Variants in CUL2 observed in about 807,000 individuals in gnomAD.
CUL2 encodes cullin-2.
In CUL2, 22 loss-of-function variants were observed where a neutral mutation model predicts 110.2. The ratio of observed to expected loss-of-function variants is 0.20; its 90% CI spans 0.14 to 0.28. The LOEUF (loss-of-function observed/expected upper bound fraction) is 0.28. Among genes scored for constraint, CUL2 ranks in the 10% least tolerant of loss-of-function variants. The pLI, the probability that CUL2 is intolerant of heterozygous loss-of-function variation, is 1.00. For synonymous variants in CUL2, 279 were observed against 293.2 expected, an observed-to-expected ratio of 0.95 and a Z score of 0.49; for missense variants, 631 against 905.5, an observed-to-expected ratio of 0.70 and a Z score of 3.89.
intron 4 of CUL2, among the ~76,000 whole-genome samples, chr10:35,055,270 T>C (rs540987830): frequency 6.6e-6 from 1 of 152,314 alleles, no homozygotes; most frequent in East Asian, 1.9e-4. Flanking sequence ...CTAGTGTAAA[T>C]AGCTACTGAC....
At chr10:35,021,867 G>A (rs1286838100) in intron 17 of CUL2, among the ~76,000 whole-genome samples, 1 of 123,702 alleles carries the variant, frequency 8.1e-6, no homozygotes, top group Non-Finnish European at 1.7e-5. Context: ...GAGGTGGGGT[G>A]GGGTGAGGTG....
chr10:35,105,514 G>C (rs2087443326), intron 1 of CUL2, among the ~76,000 whole-genome samples: 2 of 150,574 alleles, frequency 1.3e-5, no homozygotes, highest in South Asian at 4.2e-4. Flanking sequence ...GACCATCCTG[G>C]CTAACACAGT....
intron 4 of CUL2, among the ~76,000 whole-genome samples, chr10:35,058,446 T>C (rs1211650973): frequency 6.6e-6 from 1 of 152,218 alleles, no homozygotes; most frequent in Non-Finnish European, 1.5e-5. Flanking sequence ...CATTAAAATG[T>C]AAATCCTCCC....
At chr10:35,029,725 G>A (rs559650997) in intron 14 of CUL2, 85 bp from the exon 15 acceptor site, 23 of 1,030,762 alleles carry the variant, frequency 2.2e-5, no homozygotes, top group African/African-American at 1.8e-4. Context: ...GGTATTGCTA[G>A]GTCTTTGATC....
chr10:35,029,745 T>C, intron 14 of CUL2, 105 bp from the exon 15 acceptor site: 3 of 794,162 alleles, frequency 3.8e-6, no homozygotes, highest in Non-Finnish European at 5.8e-6. Context: ...CAAAGGTTCT[T>C]GCATATACAC....
In CUL2 at chr10:35,109,315, T is replaced by C. The variant is rs958096602; in HGVS notation, c.-50-8255A>G. ...CCAGGCAGAATTATACATTTATGCA[T>C]CCATCAATCTTTCATTCCTTGATTG... On this transcript the variant is annotated intron_variant, in intron 1 of 5. Transcript: ENST00000685421. 5.9e-5 allele frequency among the ~76,000 whole-genome samples: 9 copies of C among 152,222 alleles called. No homozygotes were observed. The East Asian group carries it at 1.7e-3, about 29-fold the overall frequency.
intron 4 of CUL2, among the ~76,000 whole-genome samples, chr10:35,056,849 C>A (rs1437307587): frequency 6.6e-6 from 1 of 152,186 alleles, no homozygotes; most frequent in Non-Finnish European, 1.5e-5. Flanking sequence ...ACATCAGAAT[C>A]ACTTATCTCA....
intron 8 of CUL2, among the ~76,000 whole-genome samples, chr10:35,044,051 CAAAA>C (rs534515519): frequency 1.0e-4 from 9 of 87,794 alleles, no homozygotes; most frequent in Non-Finnish European, 1.8e-4. Flanking sequence ...ACCACATCTC[CAAAA>C]AAAAAAAAAA....
upstream of CUL2, among the ~76,000 whole-genome samples, chr10:35,094,081 GATC>G (rs2087256629): frequency 6.6e-6 from 1 of 152,080 alleles, no homozygotes; most frequent in Non-Finnish European, 1.5e-5. Flanking sequence ...CAGATGCCAG[GATC>G]GTGCTTCTTG....
chr10:35,015,702 A>G (rs967344596), intron 18 of CUL2, among the ~76,000 whole-genome samples: 7 of 152,232 alleles, frequency 4.6e-5, no homozygotes, highest in Non-Finnish European at 8.8e-5. Context: ...CTTGTGACAG[A>G]TATTAAAAAT....
At position 35,078,402 on chromosome 10, in the gene CUL2, TCTC is replaced by T. The variant is rs368223375; in HGVS notation, c.-22-7066_-22-7064del. On this transcript the variant is annotated intron_variant, in intron 1 of 20. Transcript: ENST00000374749. ...CCTTCACATCCCAGGTGTGAGCAATTCTCCTGCCTCAGCCTCCCAAGTAGCTGG... is the reference window on the plus strand; with the variant it reads ...CCTTCACATCCCAGGTGTGAGCAATTCTGCCTCAGCCTCCCAAGTAGCTGG... Among the ~76,000 whole-genome samples the T allele has an allele frequency of 6.2e-3, 938 of 152,018 alleles. 12 individuals are homozygous for T. Among genetic ancestry groups the T allele is most frequent in the African/African-American group, 0.021 (888 of 41,460 alleles).
intron 5 of CUL2, among the ~76,000 whole-genome samples, 154 bp from the exon 6 acceptor site, chr10:35,049,919 CAAAG>C (rs1220635949): frequency 2.0e-5 from 3 of 151,978 alleles, no homozygotes; most frequent in East Asian, 1.9e-4. Context: ...TTTAAAAACT[CAAAG>C]AAAACAAATT....
intron 1 of CUL2, among the ~76,000 whole-genome samples, chr10:35,075,635 A>AACAC (rs34714483): frequency 0.022 from 3,163 of 140,942 alleles, 48 homozygotes; most frequent in Middle Eastern, 0.033. Context: ...TGGGCCCTAA[A>AACAC]ACACACACAC....
Position 35,011,972 on chromosome 10 carries a change from A to G in CUL2, c.1990-8T>C, listed in dbSNP as rs2084914097. 1 of 1,537,294 alleles carries G rather than the reference A, an allele frequency of 6.5e-7. No homozygotes were observed. The highest frequency in any genetic ancestry group is 8.9e-7 in the Non-Finnish European group (1 of 1,127,964). On this transcript the variant is annotated splice_polypyrimidine_tract_variant and splice_region_variant and intron_variant, in intron 19 of 20. Transcript: ENST00000374749. Reference sequence around the variant, plus strand: ...TCTAGTCTGCTCCATTTCCTGTTTTACAGAAGAAAAGAAAAAAGACCCAAC... The same window carrying G: ...TCTAGTCTGCTCCATTTCCTGTTTTGCAGAAGAAAAGAAAAAAGACCCAAC...
At chr10:35,078,320 A>C (rs918991849) in intron 1 of CUL2, among the ~76,000 whole-genome samples, 1 of 139,252 alleles carries the variant, frequency 7.2e-6, no homozygotes, top group East Asian at 2.1e-4. Context: ...TTTGAGATGG[A>C]GTTTCTGTCT....
chr10:35,033,597 C>T (rs951832264), intron 10 of CUL2, among the ~76,000 whole-genome samples: 4 of 151,856 alleles, frequency 2.6e-5, no homozygotes, highest in East Asian at 1.9e-4. Flanking sequence ...ATTAGCCAGA[C>T]GTGGTGGCGT....
intron 2 of CUL2, among the ~76,000 whole-genome samples, chr10:35,063,272 T>A (rs2086429894): frequency 6.6e-6 from 1 of 152,198 alleles, no homozygotes; most frequent in Non-Finnish European, 1.5e-5. Context: ...CCACAAGTAT[T>A]TATTGAGAAT....
At chr10:35,126,255 C>A (rs1182087148) in intron 1 of CUL2, among the ~76,000 whole-genome samples, 5 of 152,224 alleles carry the variant, frequency 3.3e-5, no homozygotes, top group Non-Finnish European at 7.3e-5. Context: ...GCCCAGCATG[C>A]GGACCATTTC....
intron 11 of CUL2, among the ~76,000 whole-genome samples, chr10:35,032,856 A>T (rs1310964667): frequency 6.6e-6 from 1 of 152,186 alleles, no homozygotes; most frequent in Non-Finnish European, 1.5e-5. Flanking sequence ...TATTCAATAT[A>T]GCCTAAGTAT....
Sources: gnomAD v4.1 joint callset for allele counts (sites outside exome capture counted in the v4.1 genomes callset) on GRCh38, gnomAD v4.1.1 for gene constraint, MANE v1.5 for transcripts, NCBI Gene and HGNC (gene_info 2026-07-23, HGNC 2026-07-21) for gene names.